KIAA1217: variants seen among roughly 807,000 people sequenced by gnomAD.
KIAA1217 encodes the protein KIAA1217, also known as sickle tail protein homolog.
Under a neutral mutation model 163.9 loss-of-function variants are expected in KIAA1217, and 88 were observed. The ratio of observed to expected loss-of-function variants is 0.54; its 90% CI spans 0.45 to 0.64. The LOEUF (loss-of-function observed/expected upper bound fraction) is 0.64, where lower values mean the gene tolerates loss of function less well. Ranked by LOEUF, KIAA1217 falls within the 30% of genes least tolerant of loss-of-function variation. The pLI is 0.00. For synonymous variants in KIAA1217, 903 were observed against 923.1 expected (o/e 0.98, Z 0.39); for missense variants, 2,372 against 2,475.0 (o/e 0.96, Z 0.88).
intron 9 of KIAA1217, among the ~76,000 whole-genome samples, chr10:24,507,610 G>A (rs2134128821): frequency 6.6e-6 from 1 of 152,176 alleles, no homozygotes; most frequent in East Asian, 1.9e-4. Context: ...AGAGACAAGA[G>A]ACTAAAGAAA....
intron 2 of KIAA1217, among the ~76,000 whole-genome samples, chr10:24,027,963 A>G (rs543635401): frequency 1.5e-4 from 23 of 152,258 alleles, no homozygotes; most frequent in African/African-American, 5.3e-4. Context: ...CAATTTCTTC[A>G]TCTATATAAT....
chr10:24,188,899 A>T (rs370835848), intron 2 of KIAA1217, among the ~76,000 whole-genome samples: 1 of 151,948 alleles, frequency 6.6e-6, no homozygotes, highest in Non-Finnish European at 1.5e-5. Context: ...GGGTCAGGAG[A>T]TCGAGACCAT....
In KIAA1217 at chr10:24,544,477, G is replaced by C. The variant is rs759096904; in HGVS notation, c.5207G>C (p.Arg1736Pro). 1.2e-6 allele frequency: 2 copies of C among 1,608,206 alleles called. No individual in the cohort carries two copies. Among genetic ancestry groups the C allele is most frequent in the Non-Finnish European group, 8.5e-7 (1 of 1,176,588 alleles). The stretch of plus-strand genomic sequence containing the variant: ...CCTACGTCGATACCTTCAGCTTCAC[G>C]TAAGGTATCTTGGTCTGCTGGAAAA... ...EPPTSIPSASRKGSSGAPQTS... is the reference protein window; with the variant it reads ...EPPTSIPSASPKGSSGAPQTS... The change falls in exon 19 of 21, where the codon CGT becomes CCT. Residue 1736 changes from arginine (R) to proline (P), a missense_variant. Arg to Pro is a moderately radical substitution (Grantham distance 103). Around this residue, in one of 3 missense-constraint regions of KIAA1217, gnomAD observed 690 missense variants for 677.5 expected, o/e 1.02. Coordinates refer to ENST00000376454, the MANE Select transcript of KIAA1217 (RefSeq NM_019590.5).
chr10:24,311,103 G>A (rs1026313004), intron 2 of KIAA1217, among the ~76,000 whole-genome samples: 2 of 152,174 alleles, frequency 1.3e-5, no homozygotes, highest in African/African-American at 2.4e-5. Flanking sequence ...CAAAACTGCT[G>A]TTTTCCCCAA....
At chr10:23,965,970 T>C (rs929623205) in intron 1 of KIAA1217, among the ~76,000 whole-genome samples, 2 of 152,208 alleles carry the variant, frequency 1.3e-5, no homozygotes, top group Non-Finnish European at 2.9e-5. Context: ...TGATTCTTTC[T>C]AACCATGACA....
At chr10:23,920,888 T>C (rs942933479) in intron 1 of KIAA1217, among the ~76,000 whole-genome samples, 11 of 152,174 alleles carry the variant, frequency 7.2e-5, no homozygotes, top group African/African-American at 2.4e-4. Flanking sequence ...TTTCACATGC[T>C]GTTCTTGTGA....
intron 6 of KIAA1217, among the ~76,000 whole-genome samples, chr10:24,488,762 G>T (rs968819456): frequency 6.6e-6 from 1 of 152,088 alleles, no homozygotes; most frequent in African/African-American, 2.4e-5. Context: ...CAGAGTCAGG[G>T]CATGAACAAA....
intron 2 of KIAA1217, among the ~76,000 whole-genome samples, chr10:24,306,317 T>C (rs1208921633): frequency 6.6e-6 from 1 of 152,248 alleles, no homozygotes; most frequent in Non-Finnish European, 1.5e-5. Context: ...TACATGGTTC[T>C]GTGCATGATC....
At chr10:23,873,603 T>G (rs1418379463) in intron 1 of KIAA1217, among the ~76,000 whole-genome samples, 2 of 152,050 alleles carry the variant, frequency 1.3e-5, no homozygotes, top group African/African-American at 4.8e-5. Flanking sequence ...CTTCTGTTAC[T>G]GATTTCATCC....
At position 23,782,077 on chromosome 10, in the gene KIAA1217, A is replaced by T. The variant is rs192858301; in HGVS notation, c.-321+86843A>T. Among the ~76,000 whole-genome samples the T allele has an allele frequency of 9.5e-3, 1,425 of 149,850 alleles. 18 individuals carry two copies. Among genetic ancestry groups the T allele is most frequent in the African/African-American group, 0.03 (1,237 of 41,176 alleles). ...TAGTTCTATATGAATTAAAAAAAAA[A>T]TTTTTTTTTCTATTTTCATGAAGAA... On this transcript the variant is annotated intron_variant, in intron 1 of 18. Coordinates refer to the KIAA1217 transcript ENST00000376462.
chr10:24,166,593 C>T (rs571340442), intron 2 of KIAA1217, among the ~76,000 whole-genome samples: 1 of 152,158 alleles, frequency 6.6e-6, no homozygotes, highest in South Asian at 2.1e-4. Context: ...CAACAATTAA[C>T]TAGGCGTAAT....
intron 2 of KIAA1217, among the ~76,000 whole-genome samples, chr10:24,102,208 T>C (rs1257445216): frequency 6.6e-6 from 1 of 152,162 alleles, no homozygotes; most frequent in Non-Finnish European, 1.5e-5. Context: ...TAGGATAAAA[T>C]GTTAATATAC....
chr10:24,456,424 C>T (rs1039554137), intron 5 of KIAA1217, among the ~76,000 whole-genome samples: 1 of 152,086 alleles, frequency 6.6e-6, no homozygotes, highest in Non-Finnish European at 1.5e-5. Context: ...AATAATCATG[C>T]GTGCTCAGTG....
intron 1 of KIAA1217, among the ~76,000 whole-genome samples, chr10:23,790,535 A>ATGTATATATGTATATG (rs1400213356): frequency 2.3e-5 from 2 of 86,388 alleles, no homozygotes; most frequent in Admixed American, 1.2e-4. Flanking sequence ...ATATATACAT[A>ATGTATATATGTATATG]TACATGTGCA....
At chr10:23,784,174 A>G (rs962909779) in intron 1 of KIAA1217, among the ~76,000 whole-genome samples, 5 of 152,094 alleles carry the variant, frequency 3.3e-5, no homozygotes, top group African/African-American at 7.2e-5. Flanking sequence ...TGACCCCTTT[A>G]TCATTTAATA....
At chr10:24,220,644 C>T (rs560922854) in intron 2 of KIAA1217, among the ~76,000 whole-genome samples, 18 of 150,958 alleles carry the variant, frequency 1.2e-4, no homozygotes, top group South Asian at 1.1e-3. Flanking sequence ...TTAGTAGAGA[C>T]GGTGTTTCAT....
chr10:24,031,949 T>C (rs1848205051), intron 2 of KIAA1217, among the ~76,000 whole-genome samples: 1 of 152,194 alleles, frequency 6.6e-6, no homozygotes, highest in African/African-American at 2.4e-5. Flanking sequence ...TACTTCCCAC[T>C]GCCATTAAAT....
At chr10:24,200,084 G>A (rs998080050) in intron 2 of KIAA1217, among the ~76,000 whole-genome samples, 8 of 151,948 alleles carry the variant, frequency 5.3e-5, no homozygotes, top group African/African-American at 1.7e-4. Context: ...CTCCACTCCT[G>A]CTTCCTTCTC....
intron 5 of KIAA1217, among the ~76,000 whole-genome samples, chr10:24,465,189 G>C (rs987618924): frequency 5.9e-5 from 9 of 152,136 alleles, no homozygotes; most frequent in African/African-American, 2.2e-4. Flanking sequence ...ACAAACCCTT[G>C]CTGATTAGAT....
Sources: allele counts gnomAD v4.1 joint callset (sites outside exome capture counted in the v4.1 genomes callset), GRCh38; gene constraint gnomAD v4.1.1; regional missense constraint gnomAD v4.1.1; transcripts MANE v1.5; gene names NCBI Gene and HGNC (gene_info 2026-07-23, HGNC 2026-07-21).